AZIN2: variants seen among roughly 807,000 people sequenced by gnomAD.
AZIN2 encodes ODC antizyme inhibitor-2.
A neutral mutation model predicts 47.8 loss-of-function variants in AZIN2; 28 were observed. That is an observed-to-expected ratio of 0.59 (90% CI 0.43 to 0.80). The LOEUF is 0.80. AZIN2 is among the 30% of genes least tolerant of loss of function. The pLI is 0.00. For synonymous variants in AZIN2, 221 were observed against 239.4 expected, an observed-to-expected ratio of 0.92 and a Z score of 0.71; for missense variants, 535 against 582.5, an observed-to-expected ratio of 0.92 and a Z score of 0.84.
the AZIN2 span, chr1:33,164,698 C>T: frequency 6.6e-6 from 1 of 152,226 alleles, no homozygotes; most frequent in East Asian, 1.9e-4. Context: ...GGAGATGATA[C>T]CAGGGCTGGG....
chr1:33,154,041 G>C, the AZIN2 span, among the ~76,000 whole-genome samples: 1 of 152,238 alleles, frequency 6.6e-6, no homozygotes, highest in African/African-American at 2.4e-5. Flanking sequence ...GCCAAGGAGA[G>C]TAAGAGTTGG....
chr1:33,083,738 T>G, intron 4 of AZIN2: 15 of 577,538 alleles, frequency 2.6e-5, no homozygotes, highest in East Asian at 6.0e-5. Flanking sequence ...TTTAGCCGCA[T>G]TGAGGGGAGG....
At position 33,083,986 on chromosome 1, in the gene AZIN2, G is replaced by T; in HGVS notation, c.138G>T (p.Leu46=). 6.2e-7 allele frequency: 1 copy of T among 1,614,188 alleles called. No individual in the cohort carries two copies. The highest frequency in any genetic ancestry group is 8.5e-7 in the Non-Finnish European group (1 of 1,180,032). The change falls in exon 5 of 12, where the codon CTG becomes CTT. Residue 46 remains leucine, a synonymous_variant. Transcript: ENST00000294517. ...TAGCTGCCTTCTTCGTGGCTGACCT[G>T]GGTGCCATAGTGAGGAAGCACTTTT... The part of the protein sequence containing the change: ...DEVAAFFVAD[L]GAIVRKHFCF...
At position 33,118,126 on chromosome 1, in the gene AZIN2, C is replaced by T. The variant is rs1644645493; in HGVS notation, c.1244+10C>T. The T allele has an allele frequency of 2.7e-6, 4 of 1,504,126 alleles. No homozygotes were observed. The highest frequency in any genetic ancestry group is 3.5e-6 in the Non-Finnish European group (4 of 1,129,170). 93.2% of individuals were successfully genotyped at this position (1,504,126 alleles called of 1,614,324 possible). The stretch of plus-strand genomic sequence containing the variant: ...TGTCCCGGGTGGCCTGGTAAGAGGG[C>T]CCTGCTGGAAAATGGGGGTATGGGG... On this transcript the variant is annotated intron_variant, in intron 11 of 11. Transcript: ENST00000294517.
At chr1:33,159,766 C>G in the AZIN2 span, 1 of 1,613,660 alleles carries the variant, frequency 6.2e-7, no homozygotes, top group Non-Finnish European at 8.5e-7. The surrounding 1 kb of genome is among the most constrained non-coding windows in gnomAD (Gnocchi z 4.2). Context: ...GATCTGGGCT[C>G]CCTCCTGGAC....
chr1:33,146,186 G>C, the AZIN2 span: 2 of 261,600 alleles, frequency 7.6e-6, no homozygotes, highest in African/African-American at 2.3e-5. Context: ...AAGCCACCAG[G>C]GGCCAGGTAG....
chr1:33,119,432 A>T (rs1644714142), intron 11 of AZIN2: 1 of 158,414 alleles, frequency 6.3e-6, no homozygotes, highest in Non-Finnish European at 1.4e-5. Context: ...ACCATGGGGC[A>T]CATGAGGATG....
rs760394074 is a variant in AZIN2 at position 33,101,854 on chromosome 1, T to C, written c.1029+3675T>C. 4 of 779,684 alleles carry C rather than the reference T, an allele frequency of 5.1e-6. No individual in the cohort carries two copies. In the East Asian group the frequency reaches 9.7e-5, roughly 19 times the overall value. The allele number at this position is 779,684 out of a possible 1,614,324, so 48.3% of individuals were successfully genotyped here. A position where few individuals can be genotyped will look rare whatever the true frequency, so the allele number is the denominator to read the frequency against. On this transcript the variant is annotated intron_variant, in intron 10 of 11. Transcript: ENST00000294517. ...ACAGTCTAAGAACCACTCACCCTGC[T>C]ACATGTCTCTAGAGTCCATTCATTT... is the stretch of plus-strand genomic sequence containing the variant.
chr1:33,090,768 T>G (rs1397778005), intron 5 of AZIN2, among the ~76,000 whole-genome samples: 1 of 152,196 alleles, frequency 6.6e-6, no homozygotes, highest in Non-Finnish European at 1.5e-5. Context: ...TTAACTATAG[T>G]CACCATGATG....
chr1:33,147,112 T>A, the AZIN2 span: 4 of 1,552,008 alleles, frequency 2.6e-6, no homozygotes, highest in South Asian at 2.4e-5. This position sits in a 1 kb window ranked among gnomAD's most constrained non-coding sequence, Gnocchi z 8.1. Flanking sequence ...AGGTCTTCTA[T>A]CTCCTGGGCA....
At chr1:33,166,202 C>T in the AZIN2 span, 3 of 152,480 alleles carry the variant, frequency 2.0e-5, no homozygotes, top group Admixed American at 2.0e-4. Context: ...AAAACAAGCT[C>T]AGGGCTCCCA....
At chr1:33,099,353 T>A (rs1157237202) in intron 10 of AZIN2, among the ~76,000 whole-genome samples, 1 of 152,046 alleles carries the variant, frequency 6.6e-6, no homozygotes, top group African/African-American at 2.4e-5. Flanking sequence ...TTAAATGTGG[T>A]TACATCTGCT....
chr1:33,108,125 C>T (rs1441398125), intron 10 of AZIN2, among the ~76,000 whole-genome samples: 3 of 152,028 alleles, frequency 2.0e-5, no homozygotes, highest in Admixed American at 1.3e-4. Context: ...GGCATAAAAA[C>T]GAACATATAG....
the AZIN2 span, chr1:33,159,988 G>A: frequency 1.9e-6 from 3 of 1,583,058 alleles, no homozygotes; most frequent in Non-Finnish European, 2.6e-6. This position sits in a 1 kb window ranked among gnomAD's most constrained non-coding sequence, Gnocchi z 4.2. Context: ...GGGAGCAGAT[G>A]GGGTGATCTC....
Position 33,082,169 on chromosome 1 carries a change from G to T in AZIN2, c.-72-9G>T. ...CCAGCGGTTCCCTTCATCTCCCCTCGCCCCGCAGTGTGTTGCATACTTTCT... is the reference window on the plus strand; with the variant it reads ...CCAGCGGTTCCCTTCATCTCCCCTCTCCCCGCAGTGTGTTGCATACTTTCT... On this transcript the variant is annotated splice_polypyrimidine_tract_variant and intron_variant, in intron 3 of 11. Coordinates refer to ENST00000294517, the MANE Select transcript of AZIN2 (RefSeq NM_052998.4). 4 of 1,184,610 alleles carry T rather than the reference G, an allele frequency of 3.4e-6. No individual in the cohort carries two copies. The highest frequency in any genetic ancestry group is 2.5e-6 in the Non-Finnish European group (2 of 811,322). 73.4% of individuals were successfully genotyped at this position (1,184,610 alleles called of 1,614,324 possible). A position where few individuals can be genotyped will look rare whatever the true frequency, so the allele number is the denominator to read the frequency against.
chr1:33,099,734 G>A (rs1262561673), intron 10 of AZIN2, among the ~76,000 whole-genome samples: 2 of 152,316 alleles, frequency 1.3e-5, no homozygotes, highest in East Asian at 1.9e-4. Flanking sequence ...TCCCCTGAAC[G>A]ATGCTGCGGT....
chr1:33,162,522 A>G, the AZIN2 span, among the ~76,000 whole-genome samples: 1 of 152,124 alleles, frequency 6.6e-6, no homozygotes, highest in Non-Finnish European at 1.5e-5. Context: ...TCGGCTCTGC[A>G]CCCCTGTGCC....
chr1:33,159,830 T>C, the AZIN2 span: 1 of 1,613,636 alleles, frequency 6.2e-7, no homozygotes, highest in Non-Finnish European at 8.5e-7. This position sits in a 1 kb window ranked among gnomAD's most constrained non-coding sequence, Gnocchi z 4.2. Flanking sequence ...TCGGTCAGCG[T>C]GCGGGCCGTG....
intron 10 of AZIN2, among the ~76,000 whole-genome samples, chr1:33,116,165 G>C (rs1644531330): frequency 6.6e-6 from 1 of 152,138 alleles, no homozygotes; most frequent in African/African-American, 2.4e-5. Flanking sequence ...CCAGCTCCTA[G>C]ATCACAGCCT....
Sources: allele counts gnomAD v4.1 joint callset (sites outside exome capture counted in the v4.1 genomes callset), GRCh38; gene constraint gnomAD v4.1.1; non-coding constraint Gnocchi (gnomAD v3.1); transcripts MANE v1.5; gene names NCBI Gene and HGNC (gene_info 2026-07-23, HGNC 2026-07-21).